Variants in PCDH15 observed in about 807,000 individuals in gnomAD.
PCDH15 encodes the protein protocadherin related 15.
In PCDH15, 129 loss-of-function variants were observed where a neutral mutation model predicts 178.5. That is an observed-to-expected ratio of 0.72 (90% CI 0.63 to 0.84). PCDH15 has a LOEUF of 0.84. PCDH15 is among the 40% of genes least tolerant of loss of function. The pLI is 0.00. For synonymous variants in PCDH15, 800 were observed against 732.0 expected, an observed-to-expected ratio of 1.09 and a Z score of -1.50; for missense variants, 2,230 against 2,099.9, an observed-to-expected ratio of 1.06 and a Z score of -1.21.
chr10:54,782,853 C>T (rs1000827881), intron 1 of PCDH15, among the ~76,000 whole-genome samples: 5 of 152,110 alleles, frequency 3.3e-5, no homozygotes, highest in Middle Eastern at 3.2e-3. Flanking sequence ...TACCAAGACA[C>T]TCACCCATAC....
At chr10:54,713,930 C>T (rs951980208) in intron 1 of PCDH15, among the ~76,000 whole-genome samples, 38 of 152,078 alleles carry the variant, frequency 2.5e-4, no homozygotes, top group East Asian at 1.9e-4. Context: ...AACCAAATGG[C>T]TCACATTAAT....
At chr10:54,463,922 A>G (rs2077356012) in intron 3 of PCDH15, among the ~76,000 whole-genome samples, 1 of 152,154 alleles carries the variant, frequency 6.6e-6, no homozygotes, top group Admixed American at 6.6e-5. Context: ...GACAGAGAAA[A>G]CAACATGTGT....
intron 3 of PCDH15, among the ~76,000 whole-genome samples, chr10:54,815,486 C>G (rs1219847740): frequency 3.3e-5 from 5 of 152,118 alleles, no homozygotes; most frequent in Admixed American, 3.3e-4. Flanking sequence ...GCGGTGAGCT[C>G]AAGTGTTGTG....
At chr10:55,184,715 G>T (rs1839748593) in intron 1 of PCDH15, among the ~76,000 whole-genome samples, 1 of 151,786 alleles carries the variant, frequency 6.6e-6, no homozygotes, top group African/African-American at 2.4e-5. Context: ...ATAGCATTTG[G>T]GAAGCATGAT....
chr10:55,023,152 G>A (rs1270679303), intron 2 of PCDH15, among the ~76,000 whole-genome samples: 2 of 151,992 alleles, frequency 1.3e-5, no homozygotes, highest in Non-Finnish European at 2.9e-5. Flanking sequence ...CATGTTAGCC[G>A]GGATGGTCTC....
Position 54,214,698 on chromosome 10 carries a change from TC to T in PCDH15, c.986-651del, listed in dbSNP as rs202130135. On this transcript the variant is annotated intron_variant, in intron 9 of 37. Coordinates refer to ENST00000644397, the MANE Select transcript of PCDH15 (RefSeq NM_001384140.1). Reference sequence around the variant, plus strand: ...CCTCTGCCTTCCCGGTTCAAGTGGTTCCCCTGCCTCAGCCCCCAAATAGCTG... The same window carrying T: ...CCTCTGCCTTCCCGGTTCAAGTGGTTCCCTGCCTCAGCCCCCAAATAGCTG... Among the ~76,000 whole-genome samples, 927 of 152,244 alleles carry T rather than the reference TC, an allele frequency of 6.1e-3. 9 individuals are homozygous for T. The highest frequency in any genetic ancestry group is 0.018 in the African/African-American group (762 of 41,544).
At position 54,195,841 on chromosome 10, in the gene PCDH15, T is replaced by A. The variant is rs1306993615; in HGVS notation, c.1147A>T (p.Ile383Phe). 1 of 1,613,964 alleles carries A rather than the reference T, an allele frequency of 6.2e-7. No homozygotes were observed. Among genetic ancestry groups the A allele is most frequent in the African/African-American group, 1.3e-5 (1 of 74,928 alleles). ...HPLPAFAGLH[I>F]EILDENNQSP... ...TGATTGTTTTCATCCAGTATTTCAA[T>A]GTGTAGACCGGCAAAGGCAGGAAGA... Residue 383 changes from isoleucine (I) to phenylalanine (F), a missense_variant, in exon 11 of 38, where the codon ATT becomes TTT. By Grantham distance (21) the Ile-to-Phe change is conservative. Coordinates refer to ENST00000644397, the MANE Select transcript of PCDH15 (RefSeq NM_001384140.1).
chr10:54,907,053 C>T (rs994166472), intron 2 of PCDH15, among the ~76,000 whole-genome samples: 1 of 152,084 alleles, frequency 6.6e-6, no homozygotes, highest in African/African-American at 2.4e-5. Context: ...CACCATCACT[C>T]TGCATTTTCT....
intron 2 of PCDH15, among the ~76,000 whole-genome samples, chr10:54,644,384 C>A (rs992453605): frequency 4.6e-5 from 7 of 150,808 alleles, no homozygotes; most frequent in African/African-American, 1.7e-4. Flanking sequence ...TCTTCTAAGG[C>A]ATTAATTTTT....
chr10:55,432,617 G>A (rs979946326), intron 2 of PCDH15, among the ~76,000 whole-genome samples: 37 of 151,912 alleles, frequency 2.4e-4, no homozygotes, highest in African/African-American at 8.7e-4. Flanking sequence ...AGTTTTTTCT[G>A]GTACATTAGA....
chr10:55,037,425 G>A (rs1156902204), intron 2 of PCDH15, among the ~76,000 whole-genome samples: 1 of 151,952 alleles, frequency 6.6e-6, no homozygotes, highest in Non-Finnish European at 1.5e-5. Context: ...GGAGAGACAG[G>A]GTTTCACCAT....
At chr10:54,806,221 A>G (rs544984057), upstream of PCDH15, among the ~76,000 whole-genome samples, 1 of 152,286 alleles carries the variant, frequency 6.6e-6, no homozygotes, top group South Asian at 2.1e-4. Flanking sequence ...TACATACGCT[A>G]CCTCTTCACA....
At chr10:54,565,709 T>C (rs556033359) in intron 2 of PCDH15, among the ~76,000 whole-genome samples, 1 of 152,342 alleles carries the variant, frequency 6.6e-6, no homozygotes, top group South Asian at 2.1e-4. Context: ...ATTAAAAACT[T>C]AATTTCTCGT....
intron 1 of PCDH15, among the ~76,000 whole-genome samples, chr10:54,761,127 G>A (rs1228153981): frequency 6.6e-6 from 1 of 151,986 alleles, no homozygotes; most frequent in Non-Finnish European, 1.5e-5. Flanking sequence ...TTCAGGCTGG[G>A]TTTCTTAATA....
intron 2 of PCDH15, among the ~76,000 whole-genome samples, chr10:55,583,924 C>T (rs1842673120): frequency 6.6e-6 from 1 of 151,998 alleles, no homozygotes; most frequent in Non-Finnish European, 1.5e-5. Context: ...GTCACCCAGG[C>T]TGGATTGCAG....
intron 3 of PCDH15, among the ~76,000 whole-genome samples, chr10:54,419,333 A>G (rs1478581129): frequency 4.0e-5 from 6 of 151,324 alleles, no homozygotes; most frequent in Non-Finnish European, 8.8e-5. Flanking sequence ...CAACAAACAA[A>G]TTTATCTAAA....
intron 1 of PCDH15, among the ~76,000 whole-genome samples, chr10:55,205,375 C>T (rs1840368486): frequency 6.6e-6 from 1 of 151,828 alleles, no homozygotes; most frequent in Non-Finnish European, 1.5e-5. Context: ...AATCTGGACT[C>T]AGTAATAACA....
At chr10:54,237,530 C>T (rs1360153870) in intron 8 of PCDH15, among the ~76,000 whole-genome samples, 2 of 151,750 alleles carry the variant, frequency 1.3e-5, no homozygotes, top group Non-Finnish European at 2.9e-5. Flanking sequence ...TTGGTGTTTC[C>T]CAATTTAATG....
intron 2 of PCDH15, among the ~76,000 whole-genome samples, chr10:55,100,046 A>C (rs1842541127): frequency 1.3e-5 from 2 of 152,136 alleles, no homozygotes; most frequent in African/African-American, 4.8e-5. Flanking sequence ...ATTTCCTAAA[A>C]ATTAACTTAC....
Sources: allele counts gnomAD v4.1 joint callset (sites outside exome capture counted in the v4.1 genomes callset), GRCh38; gene constraint gnomAD v4.1.1; transcripts MANE v1.5; gene names NCBI Gene and HGNC (gene_info 2026-07-23, HGNC 2026-07-21).